ULK2: variants seen among roughly 807,000 people sequenced by gnomAD.
The protein encoded by ULK2 is serine/threonine-protein kinase ULK2.
Under a neutral mutation model 127.5 loss-of-function variants are expected in ULK2, and 76 were observed. The ratio of observed to expected loss-of-function variants is 0.60; its 90% CI spans 0.50 to 0.72. The LOEUF is 0.72. ULK2 is among the 30% of genes least tolerant of loss of function. The pLI, the probability that ULK2 is intolerant of heterozygous loss-of-function variation, is 0.00. For synonymous variants in ULK2, 452 were observed against 461.9 expected, an observed-to-expected ratio of 0.98 and a Z score of 0.28; for missense variants, 1,144 against 1,295.9, an observed-to-expected ratio of 0.88 and a Z score of 1.80.
Position 19,780,625 on chromosome 17 carries a change from G to C in ULK2, c.2763C>G (p.Val921=), listed in dbSNP as rs768071739. The C allele has an allele frequency of 6.3e-7, 1 of 1,596,304 alleles. No individual in the cohort carries two copies. The highest frequency in any genetic ancestry group is 1.1e-5 in the South Asian group (1 of 87,110). The part of the protein sequence containing the change: ...LSPSTAVKQV[V]KNLNERYKFC... ...ATTTATATCGTTCGTTCAGATTCTTGACAACTGAAAAAAAATTGAGATGGG... is the reference window on the plus strand; with the variant it reads ...ATTTATATCGTTCGTTCAGATTCTTCACAACTGAAAAAAAATTGAGATGGG... Residue 921 remains valine (V), a synonymous_variant, in exon 25 of 27, where the codon GTC becomes GTG. Coordinates refer to ENST00000395544, the MANE Select transcript of ULK2 (RefSeq NM_014683.4).
intron 9 of ULK2, chr17:19,840,647 C>T (rs1166647368): frequency 3.6e-5 from 6 of 168,886 alleles, no homozygotes; most frequent in Admixed American, 6.8e-5. Context: ...GAGGATGAGG[C>T]GGGGGGATCA....
At chr17:19,794,983 GC>G (rs2152384951) in intron 20 of ULK2, among the ~76,000 whole-genome samples, 1 of 152,156 alleles carries the variant, frequency 6.6e-6, no homozygotes, top group East Asian at 1.9e-4. Context: ...GGAGGCTGAG[GC>G]AGGAGAATGG....
At chr17:19,828,875 G>A (rs1370155431) in intron 10 of ULK2, among the ~76,000 whole-genome samples, 3 of 152,184 alleles carry the variant, frequency 2.0e-5, no homozygotes, top group African/African-American at 4.8e-5. Flanking sequence ...GATCTCTTAA[G>A]CTCAGGAATT....
rs1167077381 is a variant in ULK2 at position 19,780,427 on chromosome 17, A to C, written c.2916+45T>G. On this transcript the variant is annotated intron_variant, in intron 25 of 26. Coordinates refer to ENST00000395544, the MANE Select transcript of ULK2 (RefSeq NM_014683.4). Reference sequence around the variant, plus strand: ...TAGATATTCAATTAAAAAGACACTTAAAGATAAGTAGTACTATACAATATT... The same window carrying C: ...TAGATATTCAATTAAAAAGACACTTCAAGATAAGTAGTACTATACAATATT... 1.1e-5 allele frequency: 17 copies of C among 1,486,708 alleles called. No individual in the cohort carries two copies. In the Admixed American group the frequency reaches 2.3e-4, roughly 20 times the overall value. 92.1% of individuals were successfully genotyped at this position (1,486,708 alleles called of 1,614,324 possible).
At chr17:19,860,156 A>G (rs529810612) in intron 3 of ULK2, among the ~76,000 whole-genome samples, 2 of 138,516 alleles carry the variant, frequency 1.4e-5, no homozygotes, top group East Asian at 5.8e-4. Context: ...TCTAAAACAA[A>G]TATACCAAAG....
intron 7 of ULK2, among the ~76,000 whole-genome samples, chr17:19,843,894 G>A (rs1176102256): frequency 6.6e-6 from 1 of 151,846 alleles, no homozygotes; most frequent in Non-Finnish European, 1.5e-5. Context: ...TCCTGACCTC[G>A]TGATCCTCCC....
At chr17:19,844,605 A>C (rs2041837086) in intron 7 of ULK2, among the ~76,000 whole-genome samples, 1 of 151,988 alleles carries the variant, frequency 6.6e-6, no homozygotes, top group African/African-American at 2.4e-5. Flanking sequence ...ATTATGATCA[A>C]GACTATAAAT....
intron 3 of ULK2, chr17:19,860,855 G>GTTAAAA (rs2042226701): frequency 6.6e-6 from 1 of 152,072 alleles, no homozygotes; most frequent in African/African-American, 2.4e-5. Flanking sequence ...TTATAAATTA[G>GTTAAAA]TTAAAAGCAT....
chr17:19,865,086 G>A (rs1173888807), intron 2 of ULK2, among the ~76,000 whole-genome samples: 1 of 152,098 alleles, frequency 6.6e-6, no homozygotes, highest in African/African-American at 2.4e-5. Flanking sequence ...GCTCTCCACA[G>A]GAAGCAGTTT....
In ULK2 at chr17:19,775,089, G is replaced by T. The variant is rs2152380100; in HGVS notation, c.*1260C>A. ...AGAGTTCAGATTATTTTATGTAAAA[G>T]GATTAAAATAAAAGGATTAAAATTG... On this transcript the variant is annotated 3_prime_UTR_variant, in exon 27 of 27. Transcript: ENST00000395544. The T allele has an allele frequency of 6.6e-6, 1 of 152,640 alleles. No individual in the cohort carries two copies. Among genetic ancestry groups the T allele is most frequent in the Admixed American group, 6.5e-5 (1 of 15,288 alleles). The allele number at this position is 152,640 out of a possible 1,614,324, so 9.5% of individuals were successfully genotyped here.
At position 19,825,140 on chromosome 17, in the gene ULK2, C is replaced by T; in HGVS notation, c.878G>A (p.Gly293Glu). Reference protein sequence around the residue: ...PVPMYSGSVSGSSCGSSPSCR... With the variant: ...PVPMYSGSVSESSCGSSPSCR... ...AGATGGAGAGCTGCCACAGGAGCTT[C>T]CAGAGACAGAACCAGAATACATGGG... is the stretch of plus-strand genomic sequence containing the variant. The change falls in exon 12 of 27, where the codon GGA (glycine) becomes GAA (glutamate). Residue 293 changes from glycine (G) to glutamate (E), a missense_variant. Transcript: ENST00000395544. 1.9e-6 allele frequency: 3 copies of T among 1,614,128 alleles called. No individual in the cohort carries two copies. The highest frequency in any genetic ancestry group is 2.5e-6 in the Non-Finnish European group (3 of 1,180,030).
chr17:19,867,186 G>A (rs1259950624), intron 1 of ULK2, 142 bp downstream of exon 1: 2 of 614,278 alleles, frequency 3.3e-6, no homozygotes, highest in Non-Finnish European at 5.2e-6. Flanking sequence ...CAAAACAAAC[G>A]GCGAGACGGG....
At chr17:19,783,055 A>G (rs1308380332) in intron 22 of ULK2, among the ~76,000 whole-genome samples, 1 of 152,228 alleles carries the variant, frequency 6.6e-6, no homozygotes, top group Non-Finnish European at 1.5e-5. Context: ...ATGGTTAAAT[A>G]AAGATGAGAA....
intron 3 of ULK2, among the ~76,000 whole-genome samples, chr17:19,851,865 G>A (rs2042023534): frequency 6.6e-6 from 1 of 151,656 alleles, no homozygotes; most frequent in South Asian, 2.1e-4. Flanking sequence ...GGCCAATATG[G>A]TGAAACCCCA....
intron 25 of ULK2, among the ~76,000 whole-genome samples, chr17:19,779,549 A>G (rs929183334): frequency 7.3e-5 from 11 of 151,688 alleles, no homozygotes; most frequent in East Asian, 5.8e-4. Flanking sequence ...AAAAAAAAAA[A>G]AAAAAGAAAA....
rs145312855 is a variant in ULK2, at chr17:19,862,866, C to CT, written c.225+1936dup. Among the ~76,000 whole-genome samples, 1,052 of 152,288 alleles carry CT rather than the reference C, an allele frequency of 6.9e-3. 16 individuals are homozygous for CT. Among genetic ancestry groups the CT allele is most frequent in the African/African-American group, 0.023 (949 of 41,566 alleles). The stretch of plus-strand genomic sequence containing the variant: ...GAAAGCAAAGACTTTGTTTTATTCA[C>CT]TGCCTCATTCCCAGCACTCAGAACA... On this transcript the variant is annotated intron_variant, in intron 3 of 26. Coordinates refer to ENST00000395544, the MANE Select transcript of ULK2 (RefSeq NM_014683.4).
Position 19,778,451 on chromosome 17 carries a change from T to C in ULK2, c.2917-735A>G, listed in dbSNP as rs528525272. On this transcript the variant is annotated intron_variant, in intron 25 of 26. Transcript: ENST00000395544. ...GAAGTGAATCAGGTGAGGAAAAATG[T>C]GGGAAGGGGCTCTCCAGAAAGAGGG... 1.6e-4 allele frequency among the ~76,000 whole-genome samples: 24 copies of C among 152,228 alleles called. No individual in the cohort carries two copies. The South Asian group carries it at 1.7e-3, about 11-fold the overall frequency.
intron 9 of ULK2, chr17:19,840,127 T>C (rs1217385139): frequency 5.2e-6 from 2 of 386,912 alleles, no homozygotes; most frequent in Non-Finnish European, 1.0e-5. Context: ...GTCACCAAGA[T>C]GTCGTTCCCA....
Position 19,797,511 on chromosome 17 carries a change from G to C in ULK2, c.1694C>G (p.Pro565Arg), listed in dbSNP as rs1255226935. The C allele has an allele frequency of 1.2e-6, 2 of 1,613,948 alleles. No homozygotes were observed. Among genetic ancestry groups the C allele is most frequent in the Non-Finnish European group, 1.7e-6 (2 of 1,180,022 alleles). ...AGTTCCAAGGCTGCCAGGCCGACTG[G>C]GCTGAGGCGAGTAGCTGTACCCAGC... is the stretch of plus-strand genomic sequence containing the variant. Reference protein sequence around the residue: ...TGAGYSYSPQPSRPGSLGTSP... With the variant: ...TGAGYSYSPQRSRPGSLGTSP... The change falls in exon 18 of 27, where the codon CCC becomes CGC. Residue 565 changes from proline to arginine, a missense_variant. Pro to Arg is a moderately radical substitution (Grantham distance 103). This residue lies in a region of ULK2 where 913 missense variants were observed against 970.5 expected (regional missense o/e 0.94). Coordinates refer to ENST00000395544, the MANE Select transcript of ULK2 (RefSeq NM_014683.4).
Sources: gnomAD v4.1 joint callset for allele counts (sites outside exome capture counted in the v4.1 genomes callset) on GRCh38, gnomAD v4.1.1 for gene constraint, gnomAD v4.1.1 regional missense constraint, MANE v1.5 for transcripts, NCBI Gene and HGNC (gene_info 2026-07-23, HGNC 2026-07-21) for gene names.